GRID2: variants seen among roughly 807,000 people sequenced by gnomAD.
GRID2 encodes the protein glutamate receptor ionotropic, delta-2.
A neutral mutation model predicts 114.8 loss-of-function variants in GRID2; 33 were observed. The ratio of observed to expected loss-of-function variants is 0.29; its 90% CI spans 0.22 to 0.38. GRID2 has a LOEUF of 0.38. Ranked by LOEUF, GRID2 falls within the 10% of genes least tolerant of loss-of-function variation. GRID2 has a pLI of 1.00. For missense variants in GRID2, 1,184 were observed against 1,257.7 expected (o/e 0.94, Z 0.89); for synonymous variants, 505 against 449.9 (o/e 1.12, Z -1.55).
intron 10 of GRID2, among the ~76,000 whole-genome samples, chr4:93,429,892 T>A (rs1769237142): frequency 6.6e-6 from 1 of 152,176 alleles, no homozygotes; most frequent in Non-Finnish European, 1.5e-5. Context: ...GAGTAAAGAA[T>A]GTTTTTGAAA....
intron 2 of GRID2, among the ~76,000 whole-genome samples, chr4:92,748,476 G>A (rs1369712011): frequency 1.3e-5 from 2 of 151,852 alleles, no homozygotes; most frequent in Non-Finnish European, 2.9e-5. Context: ...CTTCCTATGT[G>A]GTAGTAAATG....
chr4:92,423,805 A>G (rs1216259375), intron 1 of GRID2, among the ~76,000 whole-genome samples: 1 of 152,140 alleles, frequency 6.6e-6, no homozygotes. Context: ...GCACAGGTGT[A>G]TTAAAAAGAA....
At chr4:93,038,205 A>G (rs1725102341) in intron 2 of GRID2, among the ~76,000 whole-genome samples, 1 of 152,072 alleles carries the variant, frequency 6.6e-6, no homozygotes, top group South Asian at 2.1e-4. Context: ...TAAGTATTTT[A>G]TTCTCTTTGT....
chr4:92,402,045 A>G (rs1292419343), intron 1 of GRID2, among the ~76,000 whole-genome samples: 1 of 152,198 alleles, frequency 6.6e-6, no homozygotes, highest in Non-Finnish European at 1.5e-5. Context: ...CTTCACTAGG[A>G]ATTGTCTCTA....
intron 1 of GRID2, among the ~76,000 whole-genome samples, chr4:92,538,716 C>G (rs1725774717): frequency 6.6e-6 from 1 of 152,024 alleles, no homozygotes; most frequent in Non-Finnish European, 1.5e-5. Context: ...TGGATCCCAG[C>G]ACAAGGAAGA....
Position 92,994,122 on chromosome 4 carries a change from C to A in GRID2, c.245-90873C>A, listed in dbSNP as rs762464334. ...CAGTTTGAAGGACATGGAAACCAAT[C>A]CAGAATTGCATTTAAATAAGGAAAT... On this transcript the variant is annotated intron_variant, in intron 2 of 15. Transcript: ENST00000282020. 2.2e-4 allele frequency among the ~76,000 whole-genome samples: 33 copies of A among 151,986 alleles called. No individual in the cohort carries two copies. In the Middle Eastern group the frequency reaches 0.017, roughly 78 times the overall value.
intron 8 of GRID2, among the ~76,000 whole-genome samples, chr4:93,353,852 A>T (rs1435579094): frequency 6.6e-6 from 1 of 152,036 alleles, no homozygotes; most frequent in East Asian, 1.9e-4. Flanking sequence ...CTCCTTAGAC[A>T]GCAAAGAAGA....
intron 1 of GRID2, among the ~76,000 whole-genome samples, chr4:92,397,477 G>A (rs574190202): frequency 1.3e-5 from 2 of 150,036 alleles, no homozygotes; most frequent in Non-Finnish European, 3.0e-5. Context: ...TATAATAGAA[G>A]GCATGCCTAA....
chr4:92,683,290 C>T (rs1560530641), intron 2 of GRID2, among the ~76,000 whole-genome samples: 1 of 151,822 alleles, frequency 6.6e-6, no homozygotes, highest in Admixed American at 6.6e-5. Flanking sequence ...AAGAGTGAGA[C>T]TCCATATCAG....
At chr4:93,566,580 G>C (rs1735443153) in intron 13 of GRID2, among the ~76,000 whole-genome samples, 2 of 151,984 alleles carry the variant, frequency 1.3e-5, no homozygotes. Flanking sequence ...GACCAGCCTG[G>C]GCAAAATGGC....
chr4:92,384,011 A>C (rs1729743310), intron 1 of GRID2, among the ~76,000 whole-genome samples: 2 of 151,914 alleles, frequency 1.3e-5, no homozygotes, highest in African/African-American at 4.8e-5. Flanking sequence ...TCTTAATGGA[A>C]ATATCTTAAG....
intron 13 of GRID2, among the ~76,000 whole-genome samples, chr4:93,611,599 T>G (rs1300197982): frequency 4.3e-5 from 6 of 138,094 alleles, no homozygotes; most frequent in African/African-American, 1.2e-4. Flanking sequence ...GAGCAGGTTG[T>G]TCAGTTTCCA....
At chr4:93,797,616 G>A (rs899940935) in intron 1 of GRID2, among the ~76,000 whole-genome samples, 1 of 152,094 alleles carries the variant, frequency 6.6e-6, no homozygotes, top group Non-Finnish European at 1.5e-5. Flanking sequence ...TTCTACTTCA[G>A]CATTTTTCCC....
Position 93,407,252 on chromosome 4 carries a change from A to T in GRID2, c.1347+11544A>T, listed in dbSNP as rs189993728. Among the ~76,000 whole-genome samples, 616 of 152,218 alleles carry T rather than the reference A, an allele frequency of 4.0e-3. 3 individuals are homozygous for T. Among genetic ancestry groups the T allele is most frequent in the South Asian group, 8.5e-3 (41 of 4,826 alleles). ...ATGAGAATAGATATCTTCAAAAAGCATCCAAATCTGGGGCTGGTTTACTCA... is the reference window on the plus strand; with the variant it reads ...ATGAGAATAGATATCTTCAAAAAGCTTCCAAATCTGGGGCTGGTTTACTCA... On this transcript the variant is annotated intron_variant, in intron 9 of 15. Coordinates refer to ENST00000282020, the MANE Select transcript of GRID2 (RefSeq NM_001510.4).
intron 2 of GRID2, among the ~76,000 whole-genome samples, chr4:92,916,966 A>T (rs368581033): frequency 6.6e-6 from 1 of 152,058 alleles, no homozygotes; most frequent in African/African-American, 2.4e-5. Context: ...TGAACTAGTT[A>T]ACAGTCCCAC....
chr4:93,746,273 G>C (rs981745030), intron 14 of GRID2, among the ~76,000 whole-genome samples: 3 of 152,092 alleles, frequency 2.0e-5, no homozygotes, highest in Admixed American at 1.3e-4. Context: ...AGCTACAAAA[G>C]TAAATACCAT....
intron 10 of GRID2, among the ~76,000 whole-genome samples, chr4:93,450,974 A>G (rs896534584): frequency 7.2e-5 from 11 of 152,054 alleles, no homozygotes; most frequent in Non-Finnish European, 1.3e-4. Flanking sequence ...CAATTTTCAT[A>G]TTGCCATTTT....
chr4:92,524,151 AAAC>A (rs1416655960), intron 1 of GRID2, among the ~76,000 whole-genome samples: 1 of 152,048 alleles, frequency 6.6e-6, no homozygotes, highest in African/African-American at 2.4e-5. Flanking sequence ...CTTTATTGGT[AAAC>A]AAGGGTTGAG....
Position 93,607,492 on chromosome 4 carries a change from A to G in GRID2, c.2194-18777A>G, listed in dbSNP as rs116919397. Among the ~76,000 whole-genome samples, 876 of 152,236 alleles carry G rather than the reference A, an allele frequency of 5.8e-3. 12 individuals are homozygous for G. The highest frequency in any genetic ancestry group is 0.019 in the African/African-American group (796 of 41,554). Reference sequence around the variant, plus strand: ...TTCCAATTTGATGTCACAATAAACAATGATGCACTGAGTATTCTTGTATTT... The same window carrying G: ...TTCCAATTTGATGTCACAATAAACAGTGATGCACTGAGTATTCTTGTATTT... On this transcript the variant is annotated intron_variant, in intron 13 of 15. Transcript: ENST00000282020.
Sources: gnomAD v4.1 joint callset for allele counts (sites outside exome capture counted in the v4.1 genomes callset) on GRCh38, gnomAD v4.1.1 for gene constraint, MANE v1.5 for transcripts, NCBI Gene and HGNC (gene_info 2026-07-23, HGNC 2026-07-21) for gene names.